Variants in RAPGEF1 observed in about 807,000 individuals in gnomAD.
RAPGEF1 encodes the protein Rap guanine nucleotide exchange factor 1.
RAPGEF1 carries 33 observed loss-of-function variants against 143.3 expected under a neutral mutation model. The ratio of observed to expected loss-of-function variants is 0.23; its 90% CI spans 0.17 to 0.31. RAPGEF1 has a LOEUF of 0.31. Ranked by LOEUF, RAPGEF1 falls within the 10% of genes least tolerant of loss-of-function variation. RAPGEF1 has a pLI of 1.00. For missense variants in RAPGEF1, 1,199 were observed against 1,645.4 expected (o/e 0.73, Z 4.69); for synonymous variants, 629 against 676.5 (o/e 0.93, Z 1.09).
At chr9:131,719,794 G>C (rs565175562) in intron 1 of RAPGEF1, among the ~76,000 whole-genome samples, 1 of 151,422 alleles carries the variant, frequency 6.6e-6, no homozygotes, top group African/African-American at 2.4e-5. Flanking sequence ...GTTAAGATTT[G>C]TACATAGTCA....
chr9:131,604,282 G>A (rs1407800899), intron 13 of RAPGEF1, among the ~76,000 whole-genome samples: 1 of 152,220 alleles, frequency 6.6e-6, no homozygotes, highest in Non-Finnish European at 1.5e-5. Context: ...CCACTGTAGT[G>A]GAGACAGCAG....
At chr9:131,660,078 A>G (rs1234780080) in intron 1 of RAPGEF1, among the ~76,000 whole-genome samples, 2 of 152,226 alleles carry the variant, frequency 1.3e-5, no homozygotes. Flanking sequence ...TCGGCCTCGC[A>G]AAGTGCTGGG....
chr9:131,626,498 T>C (rs1963113498), intron 9 of RAPGEF1, 76 bp from the exon 10 acceptor site: 19 of 1,438,214 alleles, frequency 1.3e-5, no homozygotes, highest in South Asian at 7.1e-5. Context: ...CCCGCCCGCC[T>C]CTCGCCGGCT....
chr9:131,688,997 A>G (rs1315828377), intron 1 of RAPGEF1, among the ~76,000 whole-genome samples: 2 of 152,238 alleles, frequency 1.3e-5, no homozygotes, highest in Non-Finnish European at 2.9e-5. Flanking sequence ...TTGACAAATA[A>G]TGGTGTTTAA....
At chr9:131,615,210 C>T (rs1334898909) in intron 12 of RAPGEF1, among the ~76,000 whole-genome samples, 1 of 152,232 alleles carries the variant, frequency 6.6e-6, no homozygotes, top group Admixed American at 6.5e-5. Flanking sequence ...GTAGCTGGGA[C>T]TACAGGCGCC....
chr9:131,663,793 G>T (rs1039734878), intron 1 of RAPGEF1, among the ~76,000 whole-genome samples: 4 of 152,160 alleles, frequency 2.6e-5, no homozygotes, highest in Non-Finnish European at 5.9e-5. Flanking sequence ...CCACTGCAAT[G>T]ATATAGTTTC....
In RAPGEF1 at chr9:131,628,150, A is replaced by G; in HGVS notation, c.1018-54T>C. Reference sequence around the variant, plus strand: ...AATCACTTCTGAGAAACGGTGGCACAGACCAGGGGTGAGGCAACCGGTGCA... The same window carrying G: ...AATCACTTCTGAGAAACGGTGGCACGGACCAGGGGTGAGGCAACCGGTGCA... On this transcript the variant is annotated intron_variant, in intron 8 of 26. Coordinates refer to ENST00000683357, the MANE Select transcript of RAPGEF1 (RefSeq NM_001377935.1). The surrounding 1 kb of genome is among the most constrained non-coding windows in gnomAD (Gnocchi z 5.7). The G allele has an allele frequency of 7.0e-7, 1 of 1,435,202 alleles. No individual in the cohort carries two copies. The highest frequency in any genetic ancestry group is 9.2e-7 in the Non-Finnish European group (1 of 1,086,952). The allele number at this position is 1,435,202 out of a possible 1,614,324, so 88.9% of individuals were successfully genotyped here. A position where few individuals can be genotyped will look rare whatever the true frequency, so the allele number is the denominator to read the frequency against.
intron 1 of RAPGEF1, among the ~76,000 whole-genome samples, chr9:131,679,430 T>G (rs1832727780): frequency 6.6e-6 from 1 of 152,082 alleles, no homozygotes; most frequent in African/African-American, 2.4e-5. Context: ...AAGGGAACGG[T>G]GGATTAGAAG....
chr9:131,678,200 T>C (rs1441748977), intron 1 of RAPGEF1, among the ~76,000 whole-genome samples: 1 of 152,196 alleles, frequency 6.6e-6, no homozygotes, highest in Non-Finnish European at 1.5e-5. Context: ...AACTCAAGAT[T>C]TACTGCAACT....
At chr9:131,684,727 T>C (rs1386629706) in intron 1 of RAPGEF1, among the ~76,000 whole-genome samples, 1 of 152,190 alleles carries the variant, frequency 6.6e-6, no homozygotes, top group Admixed American at 6.5e-5. Flanking sequence ...GGTAAAATAA[T>C]AACTTGGAGT....
intron 1 of RAPGEF1, among the ~76,000 whole-genome samples, chr9:131,688,728 C>T (rs187795832): frequency 2.6e-5 from 4 of 152,072 alleles, no homozygotes; most frequent in Admixed American, 1.3e-4. Flanking sequence ...GGCAACATGG[C>T]GAAATTCTGT....
At chr9:131,588,104 G>A in intron 20 of RAPGEF1, 78 bp from the exon 21 acceptor site, 2 of 1,264,270 alleles carry the variant, frequency 1.6e-6, no homozygotes, top group Non-Finnish European at 1.1e-6. Flanking sequence ...CGGGCTGCGG[G>A]CGTCAGAGCA....
chr9:131,681,980 T>C (rs979519838), intron 1 of RAPGEF1, among the ~76,000 whole-genome samples: 3 of 152,200 alleles, frequency 2.0e-5, no homozygotes, highest in African/African-American at 7.2e-5. Flanking sequence ...ACTGCCAGGC[T>C]GCTCTGCGAC....
In RAPGEF1 at chr9:131,602,412, C is replaced by A. The variant is rs114899222; in HGVS notation, c.2413-263G>T. On this transcript the variant is annotated intron_variant, in intron 14 of 26. Transcript: ENST00000683357. ...ACCTAGGCAAAGCCACCTCAACTAC[C>A]TCCTCAAAGAAGACTGTCATAGCCA... is the stretch of plus-strand genomic sequence containing the variant. Among the ~76,000 whole-genome samples, 946 of 152,312 alleles carry A rather than the reference C, an allele frequency of 6.2e-3. 9 individuals carry two copies. Among genetic ancestry groups the A allele is most frequent in the African/African-American group, 0.022 (901 of 41,564 alleles).
At chr9:131,617,961 C>A (rs1265120098) in intron 12 of RAPGEF1, among the ~76,000 whole-genome samples, 1 of 152,194 alleles carries the variant, frequency 6.6e-6, no homozygotes, top group Non-Finnish European at 1.5e-5. Context: ...GTGAAAGACT[C>A]CCCTCTTCAG....
intron 1 of RAPGEF1, among the ~76,000 whole-genome samples, chr9:131,683,243 A>G (rs956438851): frequency 2.0e-5 from 3 of 152,268 alleles, no homozygotes; most frequent in Admixed American, 1.3e-4. Context: ...TCCGGAACCT[A>G]TATCTTTAAA....
rs1341389408 is a variant in RAPGEF1, at chr9:131,588,941, C to T, written c.2913G>A (p.Leu971=). The stretch of plus-strand genomic sequence containing the variant: ...CCCCATTGCACACCAGGCGGAAGAC[C>T]AGTTCCATCAGCAGCTTCAGGATCT... ...TEEILKLLME[L]VFRLVCNGEL... The change falls in exon 20 of 27, where the codon CTG becomes CTA. Residue 971 remains leucine, a synonymous_variant. Coordinates refer to ENST00000683357, the MANE Select transcript of RAPGEF1 (RefSeq NM_001377935.1). The T allele has an allele frequency of 6.2e-7, 1 of 1,613,806 alleles. No individual in the cohort carries two copies. The highest frequency in any genetic ancestry group is 1.3e-5 in the African/African-American group (1 of 74,910).
At chr9:131,608,227 G>A (rs1425689546) in intron 12 of RAPGEF1, among the ~76,000 whole-genome samples, 2 of 152,234 alleles carry the variant, frequency 1.3e-5, no homozygotes, top group African/African-American at 4.8e-5. Context: ...TGCTGGTGCG[G>A]ACGACCTCTC....
chr9:131,585,360 G>A (rs571298451), intron 22 of RAPGEF1, among the ~76,000 whole-genome samples: 1 of 114,640 alleles, frequency 8.7e-6, no homozygotes, highest in East Asian at 2.1e-4. Flanking sequence ...TTAATTTTTT[G>A]TAGGGGGGGG....
Sources: allele counts gnomAD v4.1 joint callset (sites outside exome capture counted in the v4.1 genomes callset), GRCh38; gene constraint gnomAD v4.1.1; non-coding constraint Gnocchi (gnomAD v3.1); transcripts MANE v1.5; gene names NCBI Gene and HGNC (gene_info 2026-07-23, HGNC 2026-07-21).